USP28: variants seen among roughly 807,000 people sequenced by gnomAD.
The protein encoded by USP28 is ubiquitin carboxyl-terminal hydrolase 28.
A neutral mutation model predicts 145.0 loss-of-function variants in USP28; 113 were observed. The observed-to-expected ratio is 0.78, with a 90% CI of 0.67 to 0.91. USP28 has a LOEUF of 0.91. USP28 is among the 40% of genes least tolerant of loss of function. The probability of loss-of-function intolerance (pLI) is 0.00; values close to 1 mark genes in which losing one functional copy is unlikely to be tolerated. For synonymous variants in USP28, 447 were observed against 450.9 expected (o/e 0.99, Z 0.11); for missense variants, 1,201 against 1,289.6 (o/e 0.93, Z 1.05).
chr11:113,834,247 A>C lies in USP28; in HGVS notation c.621+2T>G. 1 of 1,606,064 alleles carries C rather than the reference A, an allele frequency of 6.2e-7. No homozygotes were observed. Among genetic ancestry groups the C allele is most frequent in the Non-Finnish European group, 8.5e-7 (1 of 1,176,584 alleles). On this transcript the variant is annotated splice_donor_variant, in intron 6 of 24. Transcript: ENST00000003302. LOFTEE classifies it high-confidence loss of function. ...TGAAGAAATTCCTTGACACCAACTTACTGTATGACTTCGACAATTTTCAAG... is the reference window on the plus strand; with the variant it reads ...TGAAGAAATTCCTTGACACCAACTTCCTGTATGACTTCGACAATTTTCAAG...
chr11:113,837,239 G>T (rs1015816297), intron 5 of USP28, among the ~76,000 whole-genome samples: 1 of 152,116 alleles, frequency 6.6e-6, no homozygotes, highest in Admixed American at 6.5e-5. Context: ...CATTCCATGT[G>T]GGCACAGTTG....
intron 10 of USP28, 125 bp downstream of exon 10, chr11:113,829,072 G>T: frequency 1.5e-6 from 2 of 1,306,800 alleles, no homozygotes; most frequent in Non-Finnish European, 2.1e-6. Flanking sequence ...AGAGACTTAA[G>T]ACAAATTCAA....
At chr11:113,828,033 C>T (rs371385203) in intron 10 of USP28, among the ~76,000 whole-genome samples, 3 of 152,180 alleles carry the variant, frequency 2.0e-5, no homozygotes, top group Admixed American at 2.0e-4. Context: ...ATAAAAAAGA[C>T]TCAACAGTCA....
intron 5 of USP28, among the ~76,000 whole-genome samples, chr11:113,836,944 T>G (rs1248415574): frequency 6.6e-6 from 1 of 152,152 alleles, no homozygotes; most frequent in Non-Finnish European, 1.5e-5. Flanking sequence ...AAGCCACTGC[T>G]CTATGTGTTC....
At chr11:113,846,610 A>G (rs1591390449) in intron 3 of USP28, among the ~76,000 whole-genome samples, 1 of 152,234 alleles carries the variant, frequency 6.6e-6, no homozygotes, top group Admixed American at 6.5e-5. Context: ...AAGAATGGAT[A>G]AAGTATTTAA....
intron 1 of USP28, among the ~76,000 whole-genome samples, chr11:113,855,677 G>A (rs1404687587): frequency 6.6e-6 from 1 of 152,172 alleles, no homozygotes; most frequent in Non-Finnish European, 1.5e-5. Context: ...AGCACTTTGG[G>A]AGGCCAGGGT....
intron 1 of USP28, chr11:113,874,883 G>A (rs1949215883): frequency 1.0e-6 from 1 of 1,000,846 alleles, no homozygotes; most frequent in Non-Finnish European, 1.2e-6. Context: ...TAAAAATCTA[G>A]AGCGATGAAG....
chr11:113,845,898 T>G (rs1258081417), intron 3 of USP28, among the ~76,000 whole-genome samples: 2 of 152,192 alleles, frequency 1.3e-5, no homozygotes, highest in African/African-American at 4.8e-5. Context: ...TGTAGAGATA[T>G]CTGTACATCC....
rs1012262698 is a variant in USP28, at chr11:113,870,870, CTT to C, written c.57+4573_57+4574del. On this transcript the variant is annotated intron_variant, in intron 1 of 24. Transcript: ENST00000003302. The stretch of plus-strand genomic sequence containing the variant: ...GAAATGAAACAGGTGGGGTTAGAAA[CTT>C]TGTTCCAAAAGCAAACAAGAGGAGG... Among the ~76,000 whole-genome samples the C allele has an allele frequency of 3.3e-5, 5 of 152,100 alleles. No individual in the cohort carries two copies. In the East Asian group the frequency reaches 9.6e-4, roughly 29 times the overall value.
chr11:113,840,603 T>A (rs1408836379), exon 5 of USP28: 1 of 1,613,380 alleles, frequency 6.2e-7, no homozygotes, highest in East Asian at 2.2e-5. Context: ...CATACCTGAA[T>A]AACAGCACTA....
chr11:113,804,908 G>C, exon 20 of USP28: 1 of 1,614,176 alleles, frequency 6.2e-7, no homozygotes, highest in Non-Finnish European at 8.5e-7. Context: ...AACTGTTCCA[G>C]AAGGGTTCGT....
At chr11:113,807,869 T>C in intron 18 of USP28, 82 bp downstream of exon 19, 3 of 902,828 alleles carry the variant, frequency 3.3e-6, no homozygotes, top group Non-Finnish European at 2.6e-6. Flanking sequence ...TATCAGCTAT[T>C]GGCAGATACC....
rs189473669 is a variant in USP28, at chr11:113,821,061, G to T, written c.1283+2544C>A. On this transcript the variant is annotated intron_variant, in intron 12 of 24. Coordinates refer to ENST00000003302, the Ensembl canonical transcript of USP28. ...GCCTTCCAGTTGGGGAGGAGAAGGGGGATATGGGAGTTGTCACTGGTGAGG... is the reference window on the plus strand; with the variant it reads ...GCCTTCCAGTTGGGGAGGAGAAGGGTGATATGGGAGTTGTCACTGGTGAGG... 3.0e-5 allele frequency: 7 copies of T among 235,722 alleles called. 1 individual carries two copies. The South Asian group carries it at 4.7e-4, about 16-fold the overall frequency. 14.6% of individuals were successfully genotyped at this position (235,722 alleles called of 1,614,324 possible). A position where few individuals can be genotyped will look rare whatever the true frequency, so the allele number is the denominator to read the frequency against.
chr11:113,822,458 CAGAGAGAGAGAGAGAGAGAGAGAGAG>C (rs10524675), intron 12 of USP28: 2 of 136,454 alleles, frequency 1.5e-5, no homozygotes, highest in African/African-American at 2.9e-5. Flanking sequence ...TCAAAAAAAA[CAGAGAGAGAGAGAGAGAGAGAGAGAG>C]AGAGAGAGAG....
intron 13 of USP28, 88 bp downstream of exon 13, chr11:113,817,570 G>T: frequency 1.4e-6 from 2 of 1,436,462 alleles, no homozygotes; most frequent in South Asian, 1.3e-5. Context: ...TCTTATAGGT[G>T]ACTGTCAATC....
At chr11:113,845,107 GA>G (rs1945671442) in intron 3 of USP28, among the ~76,000 whole-genome samples, 1 of 136,468 alleles carries the variant, frequency 7.3e-6, no homozygotes, top group Non-Finnish European at 1.6e-5. Context: ...GTAACAGTGA[GA>G]CCCTTCTCAA....
rs1471718488 is a variant in USP28, at chr11:113,803,851, G to T, written c.2685C>A (p.Phe895Leu). 3 of 1,613,724 alleles carry T rather than the reference G, an allele frequency of 1.9e-6. No individual in the cohort carries two copies. The highest frequency in any genetic ancestry group is 2.5e-6 in the Non-Finnish European group (3 of 1,179,882). The change falls in exon 22 of 25, where the codon TTC becomes TTA. Residue 895 changes from phenylalanine to leucine, a missense_variant. By Grantham distance (22) the Phe-to-Leu change is conservative. Transcript: ENST00000003302. Reference sequence around the variant, plus strand: ...TTAGGAGATACACAGACACTTTTCGGAACAAACTATAATCTTCATGCCACT... The same window carrying T: ...TTAGGAGATACACAGACACTTTTCGTAACAAACTATAATCTTCATGCCACT...
chr11:113,834,386 G>T, intron 5 of USP28, 51 bp from the exon 6 acceptor site: 1 of 1,280,610 alleles, frequency 7.8e-7, no homozygotes, highest in Non-Finnish European at 1.1e-6. Flanking sequence ...AATAACTGCA[G>T]CAACATATGT....
chr11:113,812,476 A>G, exon 16 of USP28: 6 of 1,614,098 alleles, frequency 3.7e-6, no homozygotes, highest in Non-Finnish European at 5.1e-6. Flanking sequence ...TCCTTCATGA[A>G]CAAGAACTGC....
Sources: gnomAD v4.1 joint callset for allele counts (sites outside exome capture counted in the v4.1 genomes callset) on GRCh38, gnomAD v4.1.1 for gene constraint, MANE v1.5 for transcripts, NCBI Gene and HGNC (gene_info 2026-07-23, HGNC 2026-07-21) for gene names.